The following CENPP variants were observed in gnomAD, a reference collection of about 807,000 sequenced individuals.
CENPP encodes centromere protein P.
Under a neutral mutation model 35.6 loss-of-function variants are expected in CENPP, and 24 were observed. That is an observed-to-expected ratio of 0.67 (90% CI 0.49 to 0.95). The LOEUF is 0.95. Among genes scored for constraint, CENPP ranks in the 40% least tolerant of loss-of-function variants. The pLI is 0.00. For synonymous variants in CENPP, 120 were observed against 125.5 expected (o/e 0.96, Z 0.29); for missense variants, 332 against 345.3 (o/e 0.96, Z 0.31).
chr9:92,528,257 T>C (rs574340057), intron 5 of CENPP, among the ~76,000 whole-genome samples: 2 of 152,268 alleles, frequency 1.3e-5, no homozygotes, highest in Admixed American at 6.5e-5. Context: ...GCAAATCAAA[T>C]GCCCGGAGAG....
chr9:92,426,137 G>C (rs544539812), intron 5 of CENPP, among the ~76,000 whole-genome samples: 4 of 152,144 alleles, frequency 2.6e-5, no homozygotes, highest in Admixed American at 6.5e-5. Context: ...GATGGGGATG[G>C]GGGGAGGTGG....
intron 5 of CENPP, among the ~76,000 whole-genome samples, chr9:92,573,722 C>T (rs964296706): frequency 2.4e-4 from 36 of 151,564 alleles, no homozygotes; most frequent in African/African-American, 7.7e-4. Flanking sequence ...GGCAGGCAGG[C>T]CTACTGAGCT....
At chr9:92,490,632 T>C (rs1315258836) in intron 5 of CENPP, among the ~76,000 whole-genome samples, 1 of 152,242 alleles carries the variant, frequency 6.6e-6, no homozygotes, top group African/African-American at 2.4e-5. Flanking sequence ...TTCATTCTTT[T>C]AAGTCAGCAT....
At chr9:92,542,245 G>A (rs1849334194) in intron 5 of CENPP, among the ~76,000 whole-genome samples, 1 of 151,894 alleles carries the variant, frequency 6.6e-6, no homozygotes, top group African/African-American at 2.4e-5. Context: ...TTCTTGATTG[G>A]GTTATTTGTT....
intron 5 of CENPP, among the ~76,000 whole-genome samples, chr9:92,474,261 C>T (rs1845628502): frequency 6.6e-6 from 1 of 152,168 alleles, no homozygotes; most frequent in Admixed American, 6.5e-5. Flanking sequence ...AGACATGCAG[C>T]TTATTTTGTT....
chr9:92,474,239 T>C (rs1376475619), intron 5 of CENPP, among the ~76,000 whole-genome samples: 1 of 152,242 alleles, frequency 6.6e-6, no homozygotes, highest in Admixed American at 6.5e-5. Context: ...CTATAACTCA[T>C]TTCATTGTTC....
chr9:92,509,912 T>A, intron 5 of CENPP: 1 of 1,604,032 alleles, frequency 6.2e-7, no homozygotes, highest in South Asian at 1.1e-5. Flanking sequence ...ATAAACTTTC[T>A]TCATCGATAG....
At chr9:92,572,762 A>G (rs1050537528) in intron 5 of CENPP, among the ~76,000 whole-genome samples, 24 of 152,062 alleles carry the variant, frequency 1.6e-4, no homozygotes, top group African/African-American at 5.8e-4. Context: ...ACATAGTCCC[A>G]TATTTCTTGG....
rs1163043142 is a variant in CENPP at position 92,615,508 on chromosome 9, T to C, written c.*2359T>C. 1 of 274,722 alleles carries C rather than the reference T, an allele frequency of 3.6e-6. No individual in the cohort carries two copies. The highest frequency in any genetic ancestry group is 7.0e-6 in the Non-Finnish European group (1 of 143,794). 17.0% of individuals were successfully genotyped at this position (274,722 alleles called of 1,614,324 possible). On this transcript the variant is annotated 3_prime_UTR_variant, in exon 8 of 8. Coordinates refer to ENST00000375587, the MANE Select transcript of CENPP (RefSeq NM_001012267.3). ...CAGATCCAAACCTTGGGTCTTAGAA[T>C]AAGGCTTTTCGCATTAGAGAATCAG...
chr9:92,532,098 C>T (rs1384149418), intron 5 of CENPP, among the ~76,000 whole-genome samples: 2 of 138,552 alleles, frequency 1.4e-5, no homozygotes, highest in Admixed American at 7.3e-5. Flanking sequence ...TAGGCTAAAG[C>T]GATCCACCTG....
intron 5 of CENPP, chr9:92,417,447 C>A: frequency 6.2e-7 from 1 of 1,613,964 alleles, no homozygotes; most frequent in Non-Finnish European, 8.5e-7. Context: ...GTTTGGTAAT[C>A]ATCATCTGGC....
At position 92,477,480 on chromosome 9, in the gene CENPP, C is replaced by G. The variant is rs139661085; in HGVS notation, c.564+97621C>G. 5.7e-3 allele frequency among the ~76,000 whole-genome samples: 862 copies of G among 152,286 alleles called. 4 individuals carry two copies. The highest frequency in any genetic ancestry group is 8.2e-3 in the Non-Finnish European group (556 of 68,030). On this transcript the variant is annotated intron_variant, in intron 5 of 7. Coordinates refer to ENST00000375587, the MANE Select transcript of CENPP (RefSeq NM_001012267.3). Reference sequence around the variant, plus strand: ...TGATTCCAGTTTATTCTGTAACATTCTTGCATTACAGCTCTGTCTTCTAGG... The same window carrying G: ...TGATTCCAGTTTATTCTGTAACATTGTTGCATTACAGCTCTGTCTTCTAGG...
At chr9:92,586,512 G>A (rs1430718058) in intron 5 of CENPP, among the ~76,000 whole-genome samples, 3 of 152,102 alleles carry the variant, frequency 2.0e-5, no homozygotes, top group Non-Finnish European at 4.4e-5. Context: ...GGAAAAAAGA[G>A]TACAATATAC....
chr9:92,619,495 T>C lies in CENPP; in HGVS notation c.*6346T>C. On this transcript the variant is annotated 3_prime_UTR_variant, in exon 8 of 8. Coordinates refer to ENST00000375587, the MANE Select transcript of CENPP (RefSeq NM_001012267.3). The stretch of plus-strand genomic sequence containing the variant: ...GCAGTGGGGGCCTCACCTGGCATCC[T>C]GCAGACAGGGAGACAGTGCAATCAT... 1 of 1,588,994 alleles carries C rather than the reference T, an allele frequency of 6.3e-7. No individual in the cohort carries two copies. The highest frequency in any genetic ancestry group is 8.6e-7 in the Non-Finnish European group (1 of 1,167,864).
intron 4 of CENPP, among the ~76,000 whole-genome samples, chr9:92,378,204 T>A (rs993413303): frequency 6.6e-6 from 1 of 152,198 alleles, no homozygotes; most frequent in African/African-American, 2.4e-5. Context: ...GCAGTGATGG[T>A]TGACAGGCTT....
intron 5 of CENPP, among the ~76,000 whole-genome samples, chr9:92,522,307 T>C (rs948806041): frequency 1.3e-5 from 2 of 152,042 alleles, no homozygotes; most frequent in Non-Finnish European, 2.9e-5. Flanking sequence ...AGGCTGGTCT[T>C]AAACTCCTGA....
chr9:92,426,383 A>G (rs1261248696), intron 5 of CENPP, among the ~76,000 whole-genome samples: 10 of 152,204 alleles, frequency 6.6e-5, no homozygotes, highest in African/African-American at 2.2e-4. Context: ...AATTAACATA[A>G]TAAGCATTAC....
intron 5 of CENPP, among the ~76,000 whole-genome samples, chr9:92,523,266 T>A (rs918008028): frequency 1.3e-5 from 2 of 152,126 alleles, no homozygotes; most frequent in African/African-American, 4.8e-5. Context: ...GTATCTTACC[T>A]TTATCTTTAG....
chr9:92,329,646 G>A (rs1260951589), intron 1 of CENPP, among the ~76,000 whole-genome samples: 3 of 151,878 alleles, frequency 2.0e-5, no homozygotes, highest in South Asian at 2.1e-4. Context: ...TCAAGCAATC[G>A]TCCTGCCTCA....
Sources: allele counts gnomAD v4.1 joint callset (sites outside exome capture counted in the v4.1 genomes callset), GRCh38; gene constraint gnomAD v4.1.1; transcripts MANE v1.5; gene names NCBI Gene and HGNC (gene_info 2026-07-23, HGNC 2026-07-21).